FILIP1L: variants seen among roughly 807,000 people sequenced by gnomAD.
FILIP1L encodes the protein filamin A-interacting protein 1-like.
Under a neutral mutation model 96.6 loss-of-function variants are expected in FILIP1L, and 55 were observed. That is an observed-to-expected ratio of 0.57 (90% CI 0.46 to 0.71). The LOEUF (loss-of-function observed/expected upper bound fraction) is 0.71, where lower values mean the gene tolerates loss of function less well. FILIP1L is among the 30% of genes least tolerant of loss of function. The pLI, the probability that FILIP1L is intolerant of heterozygous loss-of-function variation, is 0.00. For synonymous variants in FILIP1L, 467 were observed against 473.9 expected (o/e 0.99, Z 0.19); for missense variants, 1,304 against 1,321.2 (o/e 0.99, Z 0.20).
intron 4 of FILIP1L, among the ~76,000 whole-genome samples, chr3:99,919,226 C>G (rs1707048598): frequency 6.6e-6 from 1 of 151,822 alleles, no homozygotes; most frequent in African/African-American, 2.4e-5. Flanking sequence ...AATGTTCTGT[C>G]TTCATGAGCA....
intron 4 of FILIP1L, among the ~76,000 whole-genome samples, chr3:99,873,175 G>A (rs1705326142): frequency 6.6e-6 from 1 of 152,204 alleles, no homozygotes; most frequent in Admixed American, 6.5e-5. Flanking sequence ...GGTTTGTGAT[G>A]CTGGCTGCAT....
chr3:99,962,405 G>A (rs1412532755), intron 1 of FILIP1L, among the ~76,000 whole-genome samples: 3 of 152,140 alleles, frequency 2.0e-5, no homozygotes, highest in East Asian at 3.8e-4. Context: ...TTCTGCATGA[G>A]GTCATTTAGG....
At chr3:100,082,989 G>C (rs574895874) in intron 1 of FILIP1L, among the ~76,000 whole-genome samples, 2 of 152,228 alleles carry the variant, frequency 1.3e-5, no homozygotes, top group South Asian at 4.1e-4. Flanking sequence ...TTAATGTTTA[G>C]AAAAATTCAA....
At chr3:100,076,937 G>C (rs1223690103) in intron 1 of FILIP1L, among the ~76,000 whole-genome samples, 2 of 152,206 alleles carry the variant, frequency 1.3e-5, no homozygotes, top group East Asian at 3.8e-4. Context: ...TCAAATTACA[G>C]TTCCTGCAAG....
chr3:99,881,304 C>G (rs536589463), intron 4 of FILIP1L, among the ~76,000 whole-genome samples: 39 of 152,256 alleles, frequency 2.6e-4, no homozygotes, highest in African/African-American at 8.9e-4. Flanking sequence ...TTATTTATTC[C>G]TACAAACATT....
chr3:99,983,477 T>TAC, intron 1 of FILIP1L, among the ~76,000 whole-genome samples: 1 of 17,440 alleles, frequency 5.7e-5, no homozygotes, highest in Admixed American at 5.9e-4. Context: ...TATATATATA[T>TAC]ATATATATAT....
At chr3:100,019,084 T>C (rs1284341290) in intron 1 of FILIP1L, among the ~76,000 whole-genome samples, 2 of 152,188 alleles carry the variant, frequency 1.3e-5, no homozygotes, top group Non-Finnish European at 2.9e-5. Flanking sequence ...CCTTATACAT[T>C]GTTCAAGGGA....
At chr3:99,909,227 A>G (rs1212098524) in intron 4 of FILIP1L, among the ~76,000 whole-genome samples, 1 of 152,206 alleles carries the variant, frequency 6.6e-6, no homozygotes, top group Admixed American at 6.5e-5. Context: ...TCATAAAATT[A>G]ATTTTCTGTC....
chr3:100,060,027 G>T (rs1275527994), intron 1 of FILIP1L, among the ~76,000 whole-genome samples: 1 of 151,592 alleles, frequency 6.6e-6, no homozygotes, highest in African/African-American at 2.4e-5. Context: ...TTTTCCTGCT[G>T]GAGGAGGACG....
At chr3:100,082,764 G>A (rs1347390298) in intron 1 of FILIP1L, among the ~76,000 whole-genome samples, 2 of 152,138 alleles carry the variant, frequency 1.3e-5, no homozygotes, top group Non-Finnish European at 2.9e-5. Flanking sequence ...CTGTTTCTGT[G>A]AGGTCCATAC....
chr3:99,881,008 G>A (rs1199045719), intron 4 of FILIP1L, among the ~76,000 whole-genome samples: 1 of 152,078 alleles, frequency 6.6e-6, no homozygotes, highest in East Asian at 1.9e-4. Flanking sequence ...CCTAGCATTG[G>A]TGGTCACAAA....
intron 1 of FILIP1L, among the ~76,000 whole-genome samples, chr3:100,095,568 G>A (rs907001558): frequency 6.6e-6 from 1 of 152,004 alleles, no homozygotes; most frequent in Non-Finnish European, 1.5e-5. Context: ...ACATTTATGT[G>A]CAGAAGAATG....
At chr3:99,924,545 T>G (rs1707228660) in intron 3 of FILIP1L, 137 bp from the exon 4 acceptor site, 1 of 879,616 alleles carries the variant, frequency 1.1e-6, no homozygotes, top group African/African-American at 1.7e-5. Flanking sequence ...TTGAAACAGT[T>G]TTCGCTGTCG....
chr3:100,088,514 G>A (rs6790187), intron 1 of FILIP1L, among the ~76,000 whole-genome samples: 1,787 of 152,202 alleles, frequency 0.012, 23 homozygotes, highest in African/African-American at 0.026. Flanking sequence ...ATATTTGTAG[G>A]AAATGAATAT....
chr3:99,851,442 A>T (rs1006680689), intron 4 of FILIP1L, among the ~76,000 whole-genome samples: 1 of 152,248 alleles, frequency 6.6e-6, no homozygotes, highest in East Asian at 1.9e-4. Flanking sequence ...GGCCGACCCT[A>T]CTCTTACCAA....
intron 1 of FILIP1L, among the ~76,000 whole-genome samples, chr3:99,989,505 T>C (rs1709449431): frequency 6.6e-6 from 1 of 152,242 alleles, no homozygotes; most frequent in Non-Finnish European, 1.5e-5. Context: ...CTTGACTCCA[T>C]TTCCTTATTG....
intron 1 of FILIP1L, among the ~76,000 whole-genome samples, chr3:100,031,638 G>C (rs555043386): frequency 6.6e-6 from 1 of 151,722 alleles, no homozygotes; most frequent in Non-Finnish European, 1.5e-5. Context: ...TTTAACTAAC[G>C]CATTCTCTCC....
intron 1 of FILIP1L, among the ~76,000 whole-genome samples, chr3:100,020,635 A>T (rs1431914733): frequency 6.6e-6 from 1 of 152,204 alleles, no homozygotes; most frequent in Non-Finnish European, 1.5e-5. Flanking sequence ...TAACATTTTT[A>T]AAATAGTCTT....
At chr3:99,861,076 A>AC (rs1944228811) in intron 4 of FILIP1L, among the ~76,000 whole-genome samples, 1 of 149,626 alleles carries the variant, frequency 6.7e-6, no homozygotes, top group African/African-American at 2.5e-5. Flanking sequence ...TTCCTCCCCC[A>AC]CCCCCTGCTC....
Sources: gnomAD v4.1 joint callset for allele counts (sites outside exome capture counted in the v4.1 genomes callset) on GRCh38, gnomAD v4.1.1 for gene constraint, MANE v1.5 for transcripts, NCBI Gene and HGNC (gene_info 2026-07-23, HGNC 2026-07-21) for gene names.